GALK2: variants seen among roughly 807,000 people sequenced by gnomAD.
GALK2 encodes N-acetylgalactosamine kinase.
In GALK2, 36 loss-of-function variants were observed where a neutral mutation model predicts 52.4. That is an observed-to-expected ratio of 0.69 (90% CI 0.53 to 0.91). The LOEUF (loss-of-function observed/expected upper bound fraction) is 0.91, where lower values mean the gene tolerates loss of function less well. GALK2 is among the 40% of genes least tolerant of loss of function. The pLI is 0.00. For missense variants in GALK2, 579 were observed against 559.1 expected, an observed-to-expected ratio of 1.04 and a Z score of -0.36; for synonymous variants, 176 against 199.1, an observed-to-expected ratio of 0.88 and a Z score of 0.98.
At chr15:49,362,769 A>C (rs1310857221) in intron 3 of GALK2, among the ~76,000 whole-genome samples, 3 of 152,068 alleles carry the variant, frequency 2.0e-5, no homozygotes, top group Non-Finnish European at 4.4e-5. Context: ...TCTTACACTT[A>C]AGTCTTTCAT....
chr15:49,339,094 G>A (rs2040270607), intron 3 of GALK2, among the ~76,000 whole-genome samples: 1 of 152,004 alleles, frequency 6.6e-6, no homozygotes, highest in Admixed American at 6.6e-5. Flanking sequence ...TAGCTCGCAG[G>A]AGTTTGTTAT....
chr15:49,283,107 T>C (rs914319672), intron 6 of GALK2, among the ~76,000 whole-genome samples: 2 of 152,222 alleles, frequency 1.3e-5, no homozygotes, highest in African/African-American at 4.8e-5. Flanking sequence ...ATGTTGTTTT[T>C]TGCCCCTGGA....
chr15:49,210,170 C>T (rs2088706839), intron 2 of GALK2, among the ~76,000 whole-genome samples: 1 of 150,122 alleles, frequency 6.7e-6, no homozygotes, highest in Non-Finnish European at 1.5e-5. Flanking sequence ...TGTGGTGTCA[C>T]TTGTAATGTC....
intron 5 of GALK2, among the ~76,000 whole-genome samples, chr15:49,240,661 C>T (rs1430185548): frequency 6.6e-6 from 1 of 152,074 alleles, no homozygotes; most frequent in Non-Finnish European, 1.5e-5. Context: ...GTGGAGAGAA[C>T]ATCATGTGGA....
intron 1 of GALK2, among the ~76,000 whole-genome samples, chr15:49,161,413 T>C (rs2084647194): frequency 6.6e-6 from 1 of 152,214 alleles, no homozygotes; most frequent in South Asian, 2.1e-4. Context: ...CATCAAAATA[T>C]TTTTCTGTCC....
downstream of GALK2, among the ~76,000 whole-genome samples, chr15:49,332,789 T>G (rs1314011267): frequency 1.3e-5 from 2 of 152,196 alleles, no homozygotes; most frequent in East Asian, 3.9e-4. Flanking sequence ...TTTAACCCCT[T>G]GCCAGGCCTA....
At chr15:49,365,440 A>G in intron 3 of GALK2, 1 of 932,456 alleles carries the variant, frequency 1.1e-6, no homozygotes, top group Non-Finnish European at 1.8e-6. Context: ...ACAGGCCTGT[A>G]CAATAATGTC....
At chr15:49,353,648 T>C (rs1163102802) in intron 3 of GALK2, 1 of 141,596 alleles carries the variant, frequency 7.1e-6, no homozygotes, top group African/African-American at 2.7e-5. Flanking sequence ...TCATAAATAA[T>C]AGAACAAACT....
Position 49,247,842 on chromosome 15 carries a change from A to G in GALK2, c.504+8475A>G, listed in dbSNP as rs79456108. On this transcript the variant is annotated intron_variant, in intron 5 of 9. Transcript: ENST00000560031. ...AAATTCCTTTTAAAACTTTTTGACT[A>G]CAGGGATGCTTTCTAGTTGCTTAAG... Among the ~76,000 whole-genome samples, 53 of 152,336 alleles carry G rather than the reference A, an allele frequency of 3.5e-4. 1 individual carries two copies. The highest frequency in any genetic ancestry group is 1.3e-3 in the African/African-American group (53 of 41,576).
chr15:49,309,372 A>G (rs778981107), intron 8 of GALK2, among the ~76,000 whole-genome samples: 5 of 152,188 alleles, frequency 3.3e-5, no homozygotes, highest in African/African-American at 4.8e-5. Context: ...TATAATTACT[A>G]AAAACATAAT....
intron 5 of GALK2, among the ~76,000 whole-genome samples, chr15:49,257,947 AATT>A (rs2091885667): frequency 1.3e-5 from 2 of 149,424 alleles, no homozygotes; most frequent in African/African-American, 4.9e-5. Context: ...ATTTAATTTT[AATT>A]ATAATTATAA....
At chr15:49,314,032 G>A (rs532403137) in intron 8 of GALK2, among the ~76,000 whole-genome samples, 13 of 152,270 alleles carry the variant, frequency 8.5e-5, no homozygotes, top group South Asian at 2.1e-4. Flanking sequence ...TTAAAGTGGC[G>A]CTCAGTGTGC....
At chr15:49,322,753 C>T (rs1311391567) in intron 9 of GALK2, among the ~76,000 whole-genome samples, 1 of 151,946 alleles carries the variant, frequency 6.6e-6, no homozygotes, top group Admixed American at 6.5e-5. Flanking sequence ...GTCAGGAGAT[C>T]GAGATCATCC....
intron 5 of GALK2, among the ~76,000 whole-genome samples, chr15:49,273,020 A>G (rs532713547): frequency 4.2e-4 from 64 of 152,276 alleles, no homozygotes; most frequent in Middle Eastern, 6.8e-3. Context: ...CCATGTCCCA[A>G]CTACTAGCTT....
intron 9 of GALK2, among the ~76,000 whole-genome samples, chr15:49,322,536 G>A (rs909046121): frequency 6.6e-6 from 1 of 152,208 alleles, no homozygotes; most frequent in Non-Finnish European, 1.5e-5. Context: ...AACCTCAGAG[G>A]AGGATAGCCC....
chr15:49,172,628 T>C (rs2085178487), intron 1 of GALK2, among the ~76,000 whole-genome samples: 1 of 152,202 alleles, frequency 6.6e-6, no homozygotes, highest in Non-Finnish European at 1.5e-5. Context: ...AGGCACATGA[T>C]CCTTTGAGTA....
chr15:49,299,421 C>G (rs2034769812), intron 8 of GALK2, among the ~76,000 whole-genome samples: 1 of 152,084 alleles, frequency 6.6e-6, no homozygotes, highest in Non-Finnish European at 1.5e-5. Context: ...TTCCTTTCTT[C>G]TGCTAGCTTT....
chr15:49,349,241 A>G (rs1372729085), intron 3 of GALK2, among the ~76,000 whole-genome samples: 1 of 152,134 alleles, frequency 6.6e-6, no homozygotes, highest in Non-Finnish European at 1.5e-5. Context: ...AATACTTACA[A>G]TACTCATACT....
chr15:49,214,596 T>A (rs1206255523), intron 2 of GALK2, among the ~76,000 whole-genome samples: 1 of 151,714 alleles, frequency 6.6e-6, no homozygotes, highest in Admixed American at 6.6e-5. Context: ...TGCCTTGTCC[T>A]CCCAAAGTGC....
Sources: allele counts gnomAD v4.1 joint callset (sites outside exome capture counted in the v4.1 genomes callset), GRCh38; gene constraint gnomAD v4.1.1; transcripts MANE v1.5; gene names NCBI Gene and HGNC (gene_info 2026-07-23, HGNC 2026-07-21).